The following OSBPL6 variants were observed in gnomAD, a reference collection of about 807,000 sequenced individuals.
OSBPL6 encodes the protein oxysterol binding protein like 6.
OSBPL6 carries 49 observed loss-of-function variants against 125.8 expected under a neutral mutation model. That is an observed-to-expected ratio of 0.39 (90% CI 0.31 to 0.49). The LOEUF (loss-of-function observed/expected upper bound fraction) is 0.49. Ranked by LOEUF, OSBPL6 falls within the 20% of genes least tolerant of loss-of-function variation. The pLI is 0.88. For synonymous variants in OSBPL6, 394 were observed against 391.8 expected (o/e 1.01, Z -0.07); for missense variants, 986 against 1,135.4 (o/e 0.87, Z 1.89).
intron 13 of OSBPL6, among the ~76,000 whole-genome samples, chr2:178,363,698 G>T (rs556555164): frequency 6.6e-6 from 1 of 152,166 alleles, no homozygotes; most frequent in Non-Finnish European, 1.5e-5. Flanking sequence ...TTGATCAACT[G>T]TGCTTCCTTG....
At chr2:178,334,263 C>T (rs1689476559) in intron 8 of OSBPL6, among the ~76,000 whole-genome samples, 1 of 152,174 alleles carries the variant, frequency 6.6e-6, no homozygotes, top group Non-Finnish European at 1.5e-5. Flanking sequence ...AGGAAGCTGG[C>T]TGCCACAGTA....
intron 5 of OSBPL6, among the ~76,000 whole-genome samples, chr2:178,329,677 G>A (rs539024762): frequency 1.3e-5 from 2 of 152,010 alleles, no homozygotes; most frequent in South Asian, 2.1e-4. Flanking sequence ...TGCCTGCCTC[G>A]GCCTCCCAAA....
intron 1 of OSBPL6, among the ~76,000 whole-genome samples, chr2:178,219,720 G>A (rs575176521): frequency 6.6e-6 from 1 of 152,182 alleles, no homozygotes; most frequent in Non-Finnish European, 1.5e-5. Context: ...ATTACGTGCT[G>A]TTAAATCCAA....
chr2:178,398,522 C>A lies in OSBPL6; in HGVS notation c.*2963C>A, dbSNP rs1465756712. 1 of 152,164 alleles carries A rather than the reference C, an allele frequency of 6.6e-6. No individual in the cohort carries two copies. The highest frequency in any genetic ancestry group is 6.5e-5 in the Admixed American group (1 of 15,270). 9.4% of individuals were successfully genotyped at this position (152,164 alleles called of 1,614,324 possible). A position where few individuals can be genotyped will look rare whatever the true frequency, so the allele number is the denominator to read the frequency against. On this transcript the variant is annotated 3_prime_UTR_variant, in exon 25 of 25. Coordinates refer to ENST00000190611, the MANE Select transcript of OSBPL6 (RefSeq NM_032523.4). ...CTGTCACCCAGGGTGCAGATTTACT[C>A]TCTTTTGCTGTTATTTTATTGTTTT...
intron 6 of OSBPL6, 37 bp downstream of exon 6, chr2:178,331,642 T>G (rs1689206629): frequency 6.2e-7 from 1 of 1,604,954 alleles, no homozygotes; most frequent in African/African-American, 1.3e-5. Context: ...AAGGTTGATT[T>G]CGAATTCTGC....
At chr2:178,285,543 A>G (rs768953487) in intron 2 of OSBPL6, among the ~76,000 whole-genome samples, 8 of 152,350 alleles carry the variant, frequency 5.3e-5, no homozygotes, top group African/African-American at 1.7e-4. Context: ...ATAATCTTCC[A>G]TAGTAAACAA....
chr2:178,200,182 C>T (rs2089164934), intron 1 of OSBPL6, among the ~76,000 whole-genome samples: 1 of 147,070 alleles, frequency 6.8e-6, no homozygotes, highest in Non-Finnish European at 1.5e-5. Flanking sequence ...GGTCATTTGA[C>T]ATTTATATGC....
At chr2:178,383,894 A>C in intron 17 of OSBPL6, 145 bp from the exon 18 acceptor site, 7 of 991,400 alleles carry the variant, frequency 7.1e-6, no homozygotes, top group Non-Finnish European at 1.0e-5. Context: ...AGTTGATAAA[A>C]ATTCTGTACA....
At chr2:178,311,287 G>A (rs560594807) in intron 3 of OSBPL6, among the ~76,000 whole-genome samples, 6 of 152,096 alleles carry the variant, frequency 3.9e-5, no homozygotes, top group East Asian at 1.9e-4. Context: ...GCCATCCCCC[G>A]GTTTGTCATA....
At chr2:178,332,505 C>T in intron 6 of OSBPL6, 136 bp from the exon 7 acceptor site, 1 of 637,524 alleles carries the variant, frequency 1.6e-6, no homozygotes, top group Non-Finnish European at 2.8e-6. Context: ...TAACTATTTT[C>T]TGTTTGTTAA....
At chr2:178,323,251 A>C (rs1467711536) in intron 3 of OSBPL6, among the ~76,000 whole-genome samples, 2 of 152,170 alleles carry the variant, frequency 1.3e-5, no homozygotes, top group Non-Finnish European at 2.9e-5. Flanking sequence ...CTTTTTGAAT[A>C]CTTCTAAGTT....
chr2:178,330,764 A>G (rs920715449), intron 5 of OSBPL6, among the ~76,000 whole-genome samples: 4 of 152,204 alleles, frequency 2.6e-5, no homozygotes, highest in African/African-American at 7.2e-5. Flanking sequence ...ACTAGAGGGC[A>G]CAGGACCCAT....
chr2:178,351,842 G>A (rs1208299310), intron 12 of OSBPL6, among the ~76,000 whole-genome samples: 2 of 151,988 alleles, frequency 1.3e-5, no homozygotes, highest in Non-Finnish European at 2.9e-5. Context: ...CTATTTGAGG[G>A]TGGAGGGTGG....
chr2:178,266,857 T>G (rs1362861694), intron 1 of OSBPL6, among the ~76,000 whole-genome samples: 1 of 152,178 alleles, frequency 6.6e-6, no homozygotes, highest in Non-Finnish European at 1.5e-5. Context: ...CTTTTAAATC[T>G]TTTCCACATT....
intron 13 of OSBPL6, among the ~76,000 whole-genome samples, chr2:178,365,499 A>C (rs1692746916): frequency 6.6e-6 from 1 of 151,978 alleles, no homozygotes; most frequent in African/African-American, 2.4e-5. Flanking sequence ...ACATGGTGAA[A>C]CCCCTTCTCT....
chr2:178,240,264 T>C (rs891594014), intron 1 of OSBPL6, among the ~76,000 whole-genome samples: 1 of 152,120 alleles, frequency 6.6e-6, no homozygotes, highest in African/African-American at 2.4e-5. Context: ...TTTATGTGTA[T>C]CTTGCCACAA....
chr2:178,291,022 T>C (rs1685206630), intron 2 of OSBPL6, among the ~76,000 whole-genome samples: 3 of 152,112 alleles, frequency 2.0e-5, no homozygotes, highest in Non-Finnish European at 4.4e-5. Context: ...AGTTTCAAAT[T>C]AATAATTTCA....
chr2:178,309,268 T>G (rs1025398399), intron 3 of OSBPL6, among the ~76,000 whole-genome samples: 1 of 152,088 alleles, frequency 6.6e-6, no homozygotes, highest in African/African-American at 2.4e-5. Flanking sequence ...TATCTTTTTA[T>G]GTACTGATCT....
chr2:178,215,045 C>A (rs1330364919), intron 1 of OSBPL6, among the ~76,000 whole-genome samples: 1 of 151,046 alleles, frequency 6.6e-6, no homozygotes, highest in Non-Finnish European at 1.5e-5. Flanking sequence ...ATAAAATTGA[C>A]CATCAAATAA....
Sources: allele counts gnomAD v4.1 joint callset (sites outside exome capture counted in the v4.1 genomes callset), GRCh38; gene constraint gnomAD v4.1.1; transcripts MANE v1.5; gene names NCBI Gene and HGNC (gene_info 2026-07-23, HGNC 2026-07-21).